KLHL3: variants seen among roughly 807,000 people sequenced by gnomAD.
The protein encoded by KLHL3 is kelch like family member 3, also known as kelch-like protein 3.
A neutral mutation model predicts 70.5 loss-of-function variants in KLHL3; 19 were observed. The ratio of observed to expected loss-of-function variants is 0.27; its 90% CI spans 0.19 to 0.40. The LOEUF (loss-of-function observed/expected upper bound fraction) is 0.40, where lower values mean the gene tolerates loss of function less well. Ranked by LOEUF, KLHL3 falls within the 10% of genes least tolerant of loss-of-function variation. The pLI is 1.00. For synonymous variants in KLHL3, 258 were observed against 290.3 expected (o/e 0.89, Z 1.13); for missense variants, 512 against 771.1 (o/e 0.66, Z 3.98).
intron 1 of KLHL3, among the ~76,000 whole-genome samples, chr5:137,728,525 G>C (rs1263782536): frequency 6.6e-6 from 1 of 152,154 alleles, no homozygotes; most frequent in Non-Finnish European, 1.5e-5. Flanking sequence ...CTGCATTGAT[G>C]ACACAGAATC....
intron 5 of KLHL3, among the ~76,000 whole-genome samples, chr5:137,686,221 T>A (rs1056341105): frequency 1.3e-5 from 2 of 152,154 alleles, no homozygotes; most frequent in African/African-American, 4.8e-5. Flanking sequence ...TCCCCAAAAG[T>A]GCATGTGGTC....
chr5:137,634,571 G>T (rs565061683), intron 11 of KLHL3, among the ~76,000 whole-genome samples: 1 of 152,320 alleles, frequency 6.6e-6, no homozygotes, highest in Admixed American at 6.5e-5. Context: ...CATCTTTCTG[G>T]CTAAAGGCTT....
chr5:137,693,014 C>T (rs1752361093), intron 4 of KLHL3, among the ~76,000 whole-genome samples: 2 of 152,150 alleles, frequency 1.3e-5, no homozygotes, highest in Admixed American at 1.3e-4. Flanking sequence ...AATGTACAGC[C>T]ACGTTTGAGA....
chr5:137,643,277 A>G (rs769742842), intron 8 of KLHL3, among the ~76,000 whole-genome samples: 10 of 151,808 alleles, frequency 6.6e-5, no homozygotes, highest in Non-Finnish European at 1.3e-4. Flanking sequence ...ACCTGAGCCC[A>G]GGAATTTGAG....
rs1753256902 is a variant in KLHL3, at chr5:137,736,088, A to G, written c.-442T>C. 7.1e-6 allele frequency: 2 copies of G among 282,604 alleles called. No homozygotes were observed. The highest frequency in any genetic ancestry group is 2.2e-5 in the African/African-American group (1 of 46,402). 17.5% of individuals were successfully genotyped at this position (282,604 alleles called of 1,614,324 possible). ...GCCTCCTCTGTCTAGGCTGCAAAGA[A>G]TCAGGCAGTTCGTCACTAGCCCGAG... On this transcript the variant is annotated 5_prime_UTR_variant, in exon 1 of 15. Coordinates refer to ENST00000309755, the MANE Select transcript of KLHL3 (RefSeq NM_017415.3).
chr5:137,636,256 C>G (rs1750763903), intron 11 of KLHL3, among the ~76,000 whole-genome samples: 1 of 152,198 alleles, frequency 6.6e-6, no homozygotes, highest in African/African-American at 2.4e-5. Flanking sequence ...AGAAAAGAAT[C>G]TTTCTATTAA....
At chr5:137,658,073 A>G in intron 8 of KLHL3, 58 bp downstream of exon 8, 2 of 1,532,006 alleles carry the variant, frequency 1.3e-6, no homozygotes, top group South Asian at 1.2e-5. Context: ...GCAGGAGTGG[A>G]AGGCCACTTT....
rs1753131815 is a variant in KLHL3, at chr5:137,729,144, C to T, written c.14+6489G>A. ...AGAGATGCAAATAAAATTCAGAAGT[C>T]ATGAGCTGATACTGGCCACATACAA... is the stretch of plus-strand genomic sequence containing the variant. On this transcript the variant is annotated intron_variant, in intron 1 of 14. Transcript: ENST00000309755. 3.9e-5 allele frequency among the ~76,000 whole-genome samples: 6 copies of T among 152,158 alleles called. No homozygotes were observed. The South Asian group carries it at 1.2e-3, about 32-fold the overall frequency.
intron 8 of KLHL3, chr5:137,647,432 G>GGTA: frequency 3.1e-6 from 1 of 323,982 alleles, no homozygotes; most frequent in African/African-American, 2.5e-5. Context: ...CCCTAGCCCT[G>GGTA]GCCTCAGGAC....
intron 11 of KLHL3, among the ~76,000 whole-genome samples, chr5:137,634,461 C>G (rs1561584306): frequency 6.6e-6 from 1 of 152,232 alleles, no homozygotes; most frequent in South Asian, 2.1e-4. Flanking sequence ...TGGGGCTCAA[C>G]ATAATCTTGC....
chr5:137,704,293 G>A (rs984372534), intron 3 of KLHL3, among the ~76,000 whole-genome samples: 9 of 152,190 alleles, frequency 5.9e-5, no homozygotes, highest in Admixed American at 5.2e-4. Context: ...GCTGAGGCAG[G>A]AGAATGGTGT....
chr5:137,650,679 G>A (rs180947097), intron 8 of KLHL3, among the ~76,000 whole-genome samples: 149 of 152,060 alleles, frequency 9.8e-4, no homozygotes, highest in African/African-American at 2.7e-3. Flanking sequence ...AAACGTAGCC[G>A]GGCATGGTGG....
At position 137,637,378 on chromosome 5, in the gene KLHL3, C is replaced by T. The variant is rs1300910660; in HGVS notation, c.1237G>A (p.Ala413Thr). The T allele has an allele frequency of 6.2e-7, 1 of 1,613,844 alleles. No individual in the cohort carries two copies. The highest frequency in any genetic ancestry group is 2.2e-5 in the East Asian group (1 of 44,896). The change falls in exon 11 of 15, where the codon GCC becomes ACC. Residue 413 changes from alanine to threonine, a missense_variant. Coordinates refer to ENST00000309755, the MANE Select transcript of KLHL3 (RefSeq NM_017415.3). ...DGSTGLASVE[A>T]YSYKTNEWFF... is the part of the protein sequence containing the mutation. Reference sequence around the variant, plus strand: ...CACTCGTTGGTCTTGTAGCTGTAGGCTTCCACCGATGCTAGGCCTGGGAGA... The same window carrying T: ...CACTCGTTGGTCTTGTAGCTGTAGGTTTCCACCGATGCTAGGCCTGGGAGA...
chr5:137,623,493 G>C (rs1750375559), intron 14 of KLHL3, among the ~76,000 whole-genome samples: 1 of 152,154 alleles, frequency 6.6e-6, no homozygotes, highest in Non-Finnish European at 1.5e-5. Flanking sequence ...CTTTCAGAAG[G>C]TAGCTTTTTT....
At chr5:137,686,279 A>C (rs2149913217) in intron 5 of KLHL3, among the ~76,000 whole-genome samples, 1 of 152,136 alleles carries the variant, frequency 6.6e-6, no homozygotes, top group East Asian at 1.9e-4. Flanking sequence ...CCTGGACCCA[A>C]CTGTGAAGCT....
chr5:137,704,569 A>G (rs1752646974), intron 3 of KLHL3, among the ~76,000 whole-genome samples: 1 of 152,158 alleles, frequency 6.6e-6, no homozygotes, highest in South Asian at 2.1e-4. Context: ...ATTCCTTACC[A>G]ATAGTTTATC....
intron 8 of KLHL3, among the ~76,000 whole-genome samples, chr5:137,648,501 T>G (rs1171648727): frequency 6.6e-6 from 1 of 152,194 alleles, no homozygotes; most frequent in Non-Finnish European, 1.5e-5. Context: ...CTGCCATCTG[T>G]GGAACAGGGT....
chr5:137,702,074 G>T (rs1270316814), intron 3 of KLHL3, among the ~76,000 whole-genome samples: 1 of 152,226 alleles, frequency 6.6e-6, no homozygotes, highest in Non-Finnish European at 1.5e-5. Context: ...TAGGCCCAGA[G>T]AATACAGTGG....
rs117244550 is a variant in KLHL3, at chr5:137,644,573, T to C, written c.904-4596A>G. 4.1e-4 allele frequency among the ~76,000 whole-genome samples: 63 copies of C among 152,330 alleles called. 2 individuals are homozygous for C. In the East Asian group the frequency reaches 0.011, roughly 27 times the overall value. On this transcript the variant is annotated intron_variant, in intron 8 of 14. Transcript: ENST00000309755. ...CAGGGTCATATGGTAGTTCTACTTT[T>C]AATTTTTCCTGGACACATACAACCA...
Sources: gnomAD v4.1 joint callset for allele counts (sites outside exome capture counted in the v4.1 genomes callset) on GRCh38, gnomAD v4.1.1 for gene constraint, MANE v1.5 for transcripts, NCBI Gene and HGNC (gene_info 2026-07-23, HGNC 2026-07-21) for gene names.